Variants in LMO7 observed in about 807,000 individuals in gnomAD.
LMO7 encodes the protein LIM domain only protein 7.
LMO7 carries 120 observed loss-of-function variants against 206.5 expected under a neutral mutation model. The ratio of observed to expected loss-of-function variants is 0.58; its 90% CI spans 0.50 to 0.68. LMO7 has a LOEUF of 0.68. Ranked by LOEUF, LMO7 falls within the 30% of genes least tolerant of loss-of-function variation. The pLI is 0.00. For missense variants in LMO7, 1,959 were observed against 1,957.9 expected, an observed-to-expected ratio of 1.00 and a Z score of -0.01; for synonymous variants, 706 against 681.5, an observed-to-expected ratio of 1.04 and a Z score of -0.56.
chr13:75,857,264 A>G (rs2061038461), intron 30 of LMO7: 1 of 152,206 alleles, frequency 6.6e-6, no homozygotes. Flanking sequence ...GTGTATAGCT[A>G]CAGCAAGACA....
chr13:75,656,769 A>G lies in LMO7; in HGVS notation c.69+20043A>G, dbSNP rs897911811. 6.6e-5 allele frequency among the ~76,000 whole-genome samples: 10 copies of G among 152,328 alleles called. No homozygotes were observed. In the East Asian group the frequency reaches 1.9e-3, roughly 29 times the overall value. ...TGTAAAAGCTCAGCTCAGGACTGGC[A>G]TACAGTCATTCTCCCTGAGGACCCC... On this transcript the variant is annotated intron_variant, in intron 1 of 30. Coordinates refer to ENST00000377534, the MANE Select transcript of LMO7 (RefSeq NM_001306080.2).
intron 2 of LMO7, chr13:75,628,544 A>T (rs181489119): frequency 1.3e-5 from 2 of 152,282 alleles, no homozygotes; most frequent in East Asian, 3.9e-4. Flanking sequence ...TATAATTCTT[A>T]TTAAACTTAT....
At chr13:75,745,978 T>C (rs502171) in intron 3 of LMO7, among the ~76,000 whole-genome samples, 78,026 of 151,960 alleles carry the variant, frequency 0.51, 21,553 homozygotes, top group African/African-American at 0.72. Flanking sequence ...TTTCAATATA[T>C]ATCCGGTTGA....
chr13:75,636,610 C>G lies in LMO7; in HGVS notation c.-48C>G, dbSNP rs1226440588. ...GGGCCCAGACGCGCGGGGACAACCC[C>G]TCCCCTCCACGCATCCCGAGTCTCT... On this transcript the variant is annotated 5_prime_UTR_variant, in exon 1 of 31. Transcript: ENST00000377534. 6.5e-7 allele frequency: 1 copy of G among 1,546,754 alleles called. No homozygotes were observed. The highest frequency in any genetic ancestry group is 2.0e-5 in the Admixed American group (1 of 51,084).
At chr13:75,647,518 A>T in intron 1 of LMO7, among the ~76,000 whole-genome samples, 1 of 152,212 alleles carries the variant, frequency 6.6e-6, no homozygotes, top group East Asian at 1.9e-4. Context: ...TTTGAAGATG[A>T]GCCTTTTCAG....
chr13:75,840,267 C>T, intron 21 of LMO7, 124 bp from the exon 22 acceptor site: 1 of 1,371,360 alleles, frequency 7.3e-7, no homozygotes, highest in Non-Finnish European at 1.0e-6. Flanking sequence ...AAAGCCAGCT[C>T]TCCCTTGGTA....
In LMO7 at chr13:75,856,615, GAGCAAATC is replaced by G; in HGVS notation, c.4873+10_4873+17del. 1 of 1,543,948 alleles carries G rather than the reference GAGCAAATC, an allele frequency of 6.5e-7. No individual in the cohort carries two copies. Among genetic ancestry groups the G allele is most frequent in the Non-Finnish European group, 9.0e-7 (1 of 1,116,310 alleles). On this transcript the variant is annotated splice_region_variant and intron_variant, in intron 30 of 30. Coordinates refer to ENST00000377534, the MANE Select transcript of LMO7 (RefSeq NM_001306080.2). Reference sequence around the variant, plus strand: ...TGCTATCTCAGATTCAAATGTAAGAGAGCAAATCAGAGAGAAAATTTCTTGCCTTTTAA... The same window carrying G: ...TGCTATCTCAGATTCAAATGTAAGAGAGAGAGAAAATTTCTTGCCTTTTAA...
intron 3 of LMO7, among the ~76,000 whole-genome samples, chr13:75,748,775 G>A (rs2047052198): frequency 6.6e-6 from 1 of 151,830 alleles, no homozygotes; most frequent in Non-Finnish European, 1.5e-5. Context: ...GTTACAGTGA[G>A]GGAGTCTTTA....
At chr13:75,834,892 A>C (rs1019497521) in intron 17 of LMO7, among the ~76,000 whole-genome samples, 2 of 152,196 alleles carry the variant, frequency 1.3e-5, no homozygotes, top group Admixed American at 1.3e-4. Context: ...TTATGATATC[A>C]AAATAAAATA....
intron 3 of LMO7, among the ~76,000 whole-genome samples, chr13:75,744,177 C>T (rs993896456): frequency 1.3e-5 from 2 of 152,146 alleles, no homozygotes; most frequent in Non-Finnish European, 2.9e-5. Flanking sequence ...CTTCCATTCC[C>T]AATTAAAGGT....
At chr13:75,795,342 T>C in intron 4 of LMO7, 59 bp from the exon 5 acceptor site, 1 of 1,151,704 alleles carries the variant, frequency 8.7e-7, no homozygotes, top group East Asian at 2.5e-5. Flanking sequence ...TTTTTCTAGC[T>C]ATAATTAATA....
intron 7 of LMO7, among the ~76,000 whole-genome samples, chr13:75,803,677 G>A (rs1595133362): frequency 6.6e-6 from 1 of 152,272 alleles, no homozygotes; most frequent in East Asian, 1.9e-4. Context: ...TGGCCACTCT[G>A]AAGAAACTGT....
intron 3 of LMO7, 46 bp from the exon 4 acceptor site, chr13:75,760,886 T>C: frequency 6.2e-7 from 1 of 1,609,830 alleles, no homozygotes; most frequent in Non-Finnish European, 8.5e-7. Context: ...AACCTTTGTC[T>C]GAGAGAGAGC....
intron 7 of LMO7, among the ~76,000 whole-genome samples, chr13:75,801,285 C>CT (rs976611322): frequency 2.0e-5 from 3 of 150,722 alleles, no homozygotes; most frequent in Admixed American, 1.3e-4. Context: ...TCATCCTTGG[C>CT]TTTTTTCAAA....
At position 75,795,451 on chromosome 13, in the gene LMO7, A is replaced by G; in HGVS notation, c.348+20A>G. Reference sequence around the variant, plus strand: ...AAAAATGTAAGATACATTTACCTTAATGGAGCATTATAAGTGGCTTTCACT... The same window carrying G: ...AAAAATGTAAGATACATTTACCTTAGTGGAGCATTATAAGTGGCTTTCACT... On this transcript the variant is annotated intron_variant, in intron 5 of 30. Transcript: ENST00000377534. The G allele has an allele frequency of 1.9e-6, 3 of 1,556,950 alleles. No homozygotes were observed. The highest frequency in any genetic ancestry group is 2.6e-6 in the Non-Finnish European group (3 of 1,135,266).
intron 1 of LMO7, among the ~76,000 whole-genome samples, chr13:75,669,823 T>C (rs1049280623): frequency 2.6e-5 from 4 of 152,208 alleles, no homozygotes; most frequent in Admixed American, 2.0e-4. Flanking sequence ...TAGCAGCTTT[T>C]ATTGTTACTC....
At chr13:75,824,331 T>G (rs1229360378) in intron 15 of LMO7, among the ~76,000 whole-genome samples, 1 of 152,178 alleles carries the variant, frequency 6.6e-6, no homozygotes, top group African/African-American at 2.4e-5. Context: ...GCATTTCTTT[T>G]TCGATAATTT....
At chr13:75,778,550 A>G (rs1182577651) in intron 4 of LMO7, among the ~76,000 whole-genome samples, 1 of 152,204 alleles carries the variant, frequency 6.6e-6, no homozygotes, top group East Asian at 1.9e-4. Context: ...GCCTTTTAAC[A>G]ATGCGCCCTT....
At chr13:75,664,427 C>T (rs1181102692) in intron 1 of LMO7, among the ~76,000 whole-genome samples, 1 of 152,126 alleles carries the variant, frequency 6.6e-6, no homozygotes, top group Non-Finnish European at 1.5e-5. Context: ...TGTTCATCTG[C>T]TGATGGACAC....
Sources: gnomAD v4.1 joint callset for allele counts (sites outside exome capture counted in the v4.1 genomes callset) on GRCh38, gnomAD v4.1.1 for gene constraint, MANE v1.5 for transcripts, NCBI Gene and HGNC (gene_info 2026-07-23, HGNC 2026-07-21) for gene names.